NELL1: variants seen among roughly 807,000 people sequenced by gnomAD.
The protein encoded by NELL1 is protein kinase C-binding protein NELL1.
NELL1 carries 76 observed loss-of-function variants against 107.4 expected under a neutral mutation model. The observed-to-expected ratio is 0.71, with a 90% CI of 0.59 to 0.86. NELL1 has a LOEUF of 0.86. Among genes scored for constraint, NELL1 ranks in the 40% least tolerant of loss-of-function variants. The pLI is 0.00. For synonymous variants in NELL1, 353 were observed against 341.2 expected (o/e 1.03, Z -0.38); for missense variants, 1,024 against 1,005.5 (o/e 1.02, Z -0.25).
intron 10 of NELL1, among the ~76,000 whole-genome samples, chr11:20,944,109 G>A (rs1183829297): frequency 6.6e-6 from 1 of 152,046 alleles, no homozygotes; most frequent in African/African-American, 2.4e-5. Context: ...TTCCTCTTAG[G>A]CATCTAAAAT....
At chr11:21,327,500 T>C (rs547520468) in intron 14 of NELL1, among the ~76,000 whole-genome samples, 56 of 152,242 alleles carry the variant, frequency 3.7e-4, no homozygotes, top group African/African-American at 1.3e-3. Flanking sequence ...TGTGAGTCAA[T>C]TAAACCTCTT....
chr11:21,109,771 C>T (rs996061244), intron 12 of NELL1, among the ~76,000 whole-genome samples: 2 of 152,100 alleles, frequency 1.3e-5, no homozygotes, highest in Non-Finnish European at 2.9e-5. Context: ...CTCAATCATT[C>T]GCTATTTCTG....
In NELL1 at chr11:21,337,718, C is replaced by T. The variant is rs1850439468; in HGVS notation, c.1550-33135C>T. Among the ~76,000 whole-genome samples, 3 of 152,024 alleles carry T rather than the reference C, an allele frequency of 2.0e-5. No individual in the cohort carries two copies. The South Asian group carries it at 6.3e-4, about 32-fold the overall frequency. On this transcript the variant is annotated intron_variant, in intron 14 of 19. Transcript: ENST00000357134. Reference sequence around the variant, plus strand: ...CCCTGCTTTTCCCTTTCCCGCTTTTCATTCTTTTCTTTCTTTCCTTTCTTT... The same window carrying T: ...CCCTGCTTTTCCCTTTCCCGCTTTTTATTCTTTTCTTTCTTTCCTTTCTTT...
intron 2 of NELL1, among the ~76,000 whole-genome samples, chr11:20,698,806 C>T (rs1459771533): frequency 6.6e-6 from 1 of 152,138 alleles, no homozygotes; most frequent in African/African-American, 2.4e-5. Context: ...CCTACCCTTC[C>T]CCACAAGTCC....
intron 13 of NELL1, among the ~76,000 whole-genome samples, chr11:21,145,047 T>A (rs1230035312): frequency 1.3e-5 from 2 of 152,194 alleles, no homozygotes; most frequent in African/African-American, 4.8e-5. Flanking sequence ...TTGTGATGAT[T>A]AAATGAGTTG....
At chr11:21,050,555 T>A (rs1318358906) in intron 12 of NELL1, among the ~76,000 whole-genome samples, 3 of 152,220 alleles carry the variant, frequency 2.0e-5, no homozygotes, top group Non-Finnish European at 4.4e-5. Flanking sequence ...AAATCTTCTA[T>A]GACACATAAA....
intron 14 of NELL1, among the ~76,000 whole-genome samples, chr11:21,328,623 C>T (rs899923348): frequency 5.9e-5 from 9 of 152,110 alleles, no homozygotes; most frequent in African/African-American, 2.2e-4. Context: ...ACAGCTTGCA[C>T]CATACCCCTG....
At chr11:20,947,463 G>A (rs762868130) in intron 11 of NELL1, 28 bp downstream of exon 11, 90 of 1,535,624 alleles carry the variant, frequency 5.9e-5, no homozygotes, top group South Asian at 1.3e-4. Flanking sequence ...TGGGCCATGC[G>A]TGGGGTGAGG....
intron 11 of NELL1, among the ~76,000 whole-genome samples, chr11:20,958,880 T>TAGGC (rs1851232269): frequency 6.6e-6 from 1 of 152,186 alleles, no homozygotes; most frequent in African/African-American, 2.4e-5. Flanking sequence ...ATCCATGGTA[T>TAGGC]AGGCATACCC....
intron 13 of NELL1, among the ~76,000 whole-genome samples, chr11:21,121,626 C>A (rs1044134173): frequency 1.3e-5 from 2 of 152,090 alleles, no homozygotes; most frequent in African/African-American, 4.8e-5. Context: ...ATGACTGAGA[C>A]ATTTCAGTGA....
Position 21,211,218 on chromosome 11 carries a change from A to G in NELL1, c.1427-18114A>G, listed in dbSNP as rs546323327. ...AATTGCCTCACTCAAGGAAATTAAA[A>G]GTTCTTTCTCTGAGAAGGTGAAGAC... On this transcript the variant is annotated intron_variant, in intron 13 of 19. Transcript: ENST00000357134. Among the ~76,000 whole-genome samples, 3 of 152,342 alleles carry G rather than the reference A, an allele frequency of 2.0e-5. No individual in the cohort carries two copies. The South Asian group carries it at 6.2e-4, about 32-fold the overall frequency.
intron 15 of NELL1, among the ~76,000 whole-genome samples, chr11:21,530,662 C>G (rs1855970906): frequency 6.6e-6 from 1 of 151,542 alleles, no homozygotes; most frequent in South Asian, 2.1e-4. Flanking sequence ...CCTATTTTGC[C>G]CACTTAAAAT....
intron 3 of NELL1, among the ~76,000 whole-genome samples, chr11:20,794,679 A>C (rs79468755): frequency 0.034 from 5,124 of 152,094 alleles, 285 homozygotes; most frequent in African/African-American, 0.12. Flanking sequence ...AATGATGATG[A>C]TGCTGATGAT....
In NELL1 at chr11:20,867,042, A is replaced by G. The variant is rs117434288; in HGVS notation, c.507-18402A>G. Among the ~76,000 whole-genome samples the G allele has an allele frequency of 4.0e-3, 603 of 152,338 alleles. 4 individuals carry two copies. The highest frequency in any genetic ancestry group is 7.3e-3 in the Non-Finnish European group (498 of 68,028). ...TTTAAGGAGCTCACATCTAACGTCT[A>G]ATATCTTTCCACAACTTTGGGGCAA... On this transcript the variant is annotated intron_variant, in intron 4 of 19. Transcript: ENST00000357134.
At chr11:21,012,420 G>T (rs1384284295) in intron 12 of NELL1, among the ~76,000 whole-genome samples, 1 of 152,002 alleles carries the variant, frequency 6.6e-6, no homozygotes, top group African/African-American at 2.4e-5. Context: ...TCAGAAACCT[G>T]CTCACCCCCA....
chr11:20,880,705 C>T (rs1849391315), intron 4 of NELL1, among the ~76,000 whole-genome samples: 1 of 152,140 alleles, frequency 6.6e-6, no homozygotes, highest in Non-Finnish European at 1.5e-5. Flanking sequence ...ATCTCAGTGG[C>T]TTAAAATAGC....
At chr11:20,824,533 AG>A (rs1334282799) in intron 3 of NELL1, among the ~76,000 whole-genome samples, 1 of 151,272 alleles carries the variant, frequency 6.6e-6, no homozygotes, top group Non-Finnish European at 1.5e-5. Context: ...GAAGACAGGA[AG>A]ATGTGGGAAA....
chr11:21,043,402 A>G (rs1853283814), intron 12 of NELL1, among the ~76,000 whole-genome samples: 3 of 152,174 alleles, frequency 2.0e-5, no homozygotes, highest in African/African-American at 2.4e-5. Context: ...TAGAAAGAAC[A>G]TGGTGTGTTC....
At chr11:20,920,396 G>A (rs1202750006) in intron 7 of NELL1, among the ~76,000 whole-genome samples, 5 of 152,068 alleles carry the variant, frequency 3.3e-5, no homozygotes, top group Admixed American at 2.6e-4. Context: ...TGAAGACAAT[G>A]TTTCTATTTC....
Sources: gnomAD v4.1 joint callset for allele counts (sites outside exome capture counted in the v4.1 genomes callset) on GRCh38, gnomAD v4.1.1 for gene constraint, MANE v1.5 for transcripts, NCBI Gene and HGNC (gene_info 2026-07-23, HGNC 2026-07-21) for gene names.